Variants in SLC22A16 observed in about 807,000 individuals in gnomAD.
SLC22A16 encodes solute carrier family 22 member 16, also known as WUGSC:RG331P03.1.
In SLC22A16, 53 loss-of-function variants were observed where a neutral mutation model predicts 52.9. That is an observed-to-expected ratio of 1.00 (90% confidence interval 0.80 to 1.26). The LOEUF (loss-of-function observed/expected upper bound fraction) is 1.26. SLC22A16 is among the 50% of genes most tolerant of loss of function. SLC22A16 has a pLI of 0.00. For missense variants in SLC22A16, 726 were observed against 704.0 expected, an observed-to-expected ratio of 1.03 and a Z score of -0.35; for synonymous variants, 291 against 268.8, an observed-to-expected ratio of 1.08 and a Z score of -0.81.
intron 2 of SLC22A16, among the ~76,000 whole-genome samples, chr6:110,450,399 G>A (rs1775330897): frequency 6.6e-6 from 1 of 151,930 alleles, no homozygotes; most frequent in Admixed American, 6.6e-5. Context: ...ATCACTGGAG[G>A]TCAGGAGTTC....
At chr6:110,451,559 T>A (rs1775381704) in intron 2 of SLC22A16, among the ~76,000 whole-genome samples, 1 of 152,250 alleles carries the variant, frequency 6.6e-6, no homozygotes, top group South Asian at 2.1e-4. Flanking sequence ...GCCATTTGGA[T>A]TTTCTTTTCT....
chr6:110,433,315 C>G (rs1307481699), intron 6 of SLC22A16, among the ~76,000 whole-genome samples: 1 of 152,194 alleles, frequency 6.6e-6, no homozygotes, highest in Admixed American at 6.5e-5. Context: ...ATCCATCCAT[C>G]CATCTAGATA....
In SLC22A16 at chr6:110,442,088, A is replaced by G. The variant is rs574213035; in HGVS notation, c.1183+156T>C. The stretch of plus-strand genomic sequence containing the variant: ...ACATGTGTTACAACATAACACTAAG[A>G]GATATCATAATAATATGGTTGGCAG... On this transcript the variant is annotated intron_variant, in intron 4 of 7. Coordinates refer to ENST00000368919, the MANE Select transcript of SLC22A16 (RefSeq NM_033125.4). Among the ~76,000 whole-genome samples the G allele has an allele frequency of 3.3e-5, 5 of 152,312 alleles. No individual in the cohort carries two copies. The South Asian group carries it at 1.0e-3, about 32-fold the overall frequency.
rs572557172 is a variant in SLC22A16, at chr6:110,460,769, C to T, written c.54-3752G>A. Among the ~76,000 whole-genome samples the T allele has an allele frequency of 1.8e-4, 28 of 152,198 alleles. No individual in the cohort carries two copies. In the South Asian group the frequency reaches 2.5e-3, roughly 14 times the overall value. On this transcript the variant is annotated intron_variant, in intron 1 of 7. Coordinates refer to ENST00000368919, the MANE Select transcript of SLC22A16 (RefSeq NM_033125.4). ...ATCACCAGATCCCCCAGAAACATACCCCACAACCACTCTGACTTTGGCAAC... is the reference window on the plus strand; with the variant it reads ...ATCACCAGATCCCCCAGAAACATACTCCACAACCACTCTGACTTTGGCAAC...
At chr6:110,436,062 A>G (rs1774717156) in intron 5 of SLC22A16, 101 bp from the exon 6 acceptor site, 1 of 759,492 alleles carries the variant, frequency 1.3e-6, no homozygotes, top group Non-Finnish European at 2.2e-6. Flanking sequence ...TTCCTTCAGT[A>G]TTTTTTCAGA....
At chr6:110,429,376 A>T (rs565657046) in intron 7 of SLC22A16, among the ~76,000 whole-genome samples, 32 of 152,330 alleles carry the variant, frequency 2.1e-4, no homozygotes, top group African/African-American at 7.2e-4. Context: ...CAAGCCAGCG[A>T]TTCCCGAAGA....
rs1036459060 is a variant in SLC22A16 at position 110,445,243 on chromosome 6, C to T, written c.651+1630G>A. On this transcript the variant is annotated intron_variant, in intron 3 of 7. Transcript: ENST00000368919. Reference sequence around the variant, plus strand: ...CCTCCTCTCTATTCTCCAGACATTCCGGCTTTTCTTTCTCATCTCAGGGCC... The same window carrying T: ...CCTCCTCTCTATTCTCCAGACATTCTGGCTTTTCTTTCTCATCTCAGGGCC... 6.6e-5 allele frequency among the ~76,000 whole-genome samples: 10 copies of T among 152,024 alleles called. No homozygotes were observed. The East Asian group carries it at 9.6e-4, about 15-fold the overall frequency.
intron 7 of SLC22A16, among the ~76,000 whole-genome samples, chr6:110,426,487 C>T (rs1454310621): frequency 6.6e-6 from 1 of 152,088 alleles, no homozygotes; most frequent in Admixed American, 6.5e-5. Flanking sequence ...CCCCCTTTCC[C>T]ACCCCTCCCT....
intron 7 of SLC22A16, among the ~76,000 whole-genome samples, chr6:110,428,673 T>G (rs1230305294): frequency 2.0e-5 from 3 of 152,198 alleles, no homozygotes; most frequent in Non-Finnish European, 4.4e-5. Flanking sequence ...CCCAGCACTT[T>G]GGGAGGCCGA....
rs1323946969 is a variant in SLC22A16 at position 110,456,987 on chromosome 6, G to C, written c.84C>G (p.Ala28=). 6.4e-7 allele frequency: 1 copy of C among 1,555,468 alleles called. No individual in the cohort carries two copies. Among genetic ancestry groups the C allele is most frequent in the East Asian group, 2.3e-5 (1 of 44,296 alleles). ...GAATACCACAAGAGATGTTCTGGAA[G>C]GCACATATGAAATAGAGGACTCTCT... The part of the protein sequence containing the change: ...RFQRVLYFIC[A]FQNISCGIHY... Residue 28 remains alanine (A), a synonymous_variant, in exon 2 of 8, where the codon GCC becomes GCG. Transcript: ENST00000368919.
intron 6 of SLC22A16, among the ~76,000 whole-genome samples, chr6:110,433,338 T>C (rs1225537232): frequency 2.0e-5 from 3 of 152,206 alleles, no homozygotes. Context: ...CATTAATCTA[T>C]CTACAGTCAA....
intron 5 of SLC22A16, among the ~76,000 whole-genome samples, chr6:110,436,795 A>G (rs990893214): frequency 1.3e-5 from 2 of 152,182 alleles, no homozygotes; most frequent in Admixed American, 6.5e-5. Flanking sequence ...ACATTCCTCA[A>G]TGGCAAAACC....
At position 110,425,075 on chromosome 6, in the gene SLC22A16, C is replaced by G. The variant is rs1458494206; in HGVS notation, c.1532G>C (p.Gly511Ala). ...IWIFIPQLFV[G>A]TMALLSGVLT... Reference sequence around the variant, plus strand: ...CACTCCACTCAGGAGGGCCATAGTCCCAACAAACAACTAGAAGGAATTAAA... The same window carrying G: ...CACTCCACTCAGGAGGGCCATAGTCGCAACAAACAACTAGAAGGAATTAAA... The change falls in exon 8 of 8, where the codon GGG becomes GCG. Residue 511 changes from glycine to alanine, a missense_variant. Coordinates refer to ENST00000368919, the MANE Select transcript of SLC22A16 (RefSeq NM_033125.4). The G allele has an allele frequency of 3.1e-6, 5 of 1,614,006 alleles. No individual in the cohort carries two copies. In the Admixed American group the frequency reaches 6.7e-5, roughly 22 times the overall value.
intron 2 of SLC22A16, among the ~76,000 whole-genome samples, chr6:110,449,152 G>A (rs2114961847): frequency 6.6e-6 from 1 of 152,110 alleles, no homozygotes; most frequent in Non-Finnish European, 1.5e-5. Flanking sequence ...CAGTCACCAG[G>A]GACCTGCACA....
intron 1 of SLC22A16, among the ~76,000 whole-genome samples, chr6:110,473,115 A>G (rs1776315431): frequency 6.6e-6 from 1 of 152,164 alleles, no homozygotes; most frequent in Non-Finnish European, 1.5e-5. Flanking sequence ...GAGTTAACAC[A>G]TGGAAAGCAC....
Position 110,435,888 on chromosome 6 carries a change from T to C in SLC22A16, c.1385A>G (p.Tyr462Cys), listed in dbSNP as rs1365991835. The change falls in exon 6 of 8, where the codon TAT becomes TGT. Residue 462 changes from tyrosine to cysteine, a missense_variant. Tyr to Cys is a radical substitution (Grantham distance 194, BLOSUM62 -2). Transcript: ENST00000368919. ...FAIGAAFGLI[Y>C]LYTAELYPTI... ...TGGATACAGCTCAGCTGTATAAAGA[T>C]AAATGAGGCCAAATGCTGCCCCGAT... is the stretch of plus-strand genomic sequence containing the variant. 3 of 1,613,810 alleles carry C rather than the reference T, an allele frequency of 1.9e-6. No individual in the cohort carries two copies. The highest frequency in any genetic ancestry group is 2.2e-5 in the East Asian group (1 of 44,870).
Position 110,442,623 on chromosome 6 carries a change from C to T in SLC22A16, c.804G>A (p.Trp268Ter). 6.2e-7 allele frequency: 1 copy of T among 1,614,160 alleles called. No homozygotes were observed. The highest frequency in any genetic ancestry group is 1.3e-5 in the African/African-American group (1 of 75,024). ...CTGTGGAGAGGATCATCTGGTAAAGCCACCAGGTCCTGACCAAGTATCCTG... is the reference window on the plus strand; with the variant it reads ...CTGTGGAGAGGATCATCTGGTAAAGTCACCAGGTCCTGACCAAGTATCCTG... ...ALTGYLVRTW[W>*]LYQMILSTVT... The change falls in exon 4 of 8, where the codon TGG (tryptophan) becomes TGA (stop). Residue 268 changes from tryptophan (W) to a stop codon, truncating the protein, a stop_gained. Coordinates refer to ENST00000368919, the MANE Select transcript of SLC22A16 (RefSeq NM_033125.4). LOFTEE classifies it high-confidence loss of function.
chr6:110,426,014 A>C (rs1774244529), intron 7 of SLC22A16, among the ~76,000 whole-genome samples: 1 of 152,240 alleles, frequency 6.6e-6, no homozygotes, highest in Non-Finnish European at 1.5e-5. Context: ...AGAATCATAA[A>C]ATACATAGAG....
At chr6:110,442,999 G>C (rs946493504) in intron 3 of SLC22A16, among the ~76,000 whole-genome samples, 1 of 152,068 alleles carries the variant, frequency 6.6e-6, no homozygotes, top group African/African-American at 2.4e-5. Flanking sequence ...CAAAACTTGA[G>C]AGATTATTTA....
Sources: gnomAD v4.1 joint callset for allele counts (sites outside exome capture counted in the v4.1 genomes callset) on GRCh38, gnomAD v4.1.1 for gene constraint, MANE v1.5 for transcripts, NCBI Gene and HGNC (gene_info 2026-07-23, HGNC 2026-07-21) for gene names.